The following MOV10L1 variants were observed in gnomAD, a reference collection of about 807,000 sequenced individuals.
MOV10L1 encodes RNA helicase Mov10l1.
Under a neutral mutation model 143.8 loss-of-function variants are expected in MOV10L1, and 110 were observed. That is an observed-to-expected ratio of 0.76 (90% CI 0.66 to 0.90). MOV10L1 has a LOEUF of 0.90. Among genes scored for constraint, MOV10L1 ranks in the 40% least tolerant of loss-of-function variants. The pLI is 0.00. For synonymous variants in MOV10L1, 593 were observed against 581.1 expected, an observed-to-expected ratio of 1.02 and a Z score of -0.29; for missense variants, 1,406 against 1,526.8, an observed-to-expected ratio of 0.92 and a Z score of 1.32.
intron 10 of MOV10L1, among the ~76,000 whole-genome samples, chr22:50,121,924 A>C (rs933061314): frequency 6.6e-6 from 1 of 152,140 alleles, no homozygotes; most frequent in African/African-American, 2.4e-5. Flanking sequence ...GAATTTTAAG[A>C]TGCATTTTTC....
At chr22:50,150,097 T>C (rs912364314) in intron 20 of MOV10L1, among the ~76,000 whole-genome samples, 1 of 152,108 alleles carries the variant, frequency 6.6e-6, no homozygotes, top group Non-Finnish European at 1.5e-5. Context: ...CATCCTCTGT[T>C]CTCTGCTCCC....
chr22:50,155,642 A>C (rs111264369), intron 22 of MOV10L1, among the ~76,000 whole-genome samples: 23 of 152,232 alleles, frequency 1.5e-4, no homozygotes, highest in African/African-American at 4.6e-4. Flanking sequence ...CGTCCGGCTA[A>C]TTTTTGTATT....
intron 7 of MOV10L1, 35 bp downstream of exon 7, chr22:50,114,657 G>T: frequency 6.2e-7 from 1 of 1,607,090 alleles, no homozygotes; most frequent in Non-Finnish European, 8.5e-7. Flanking sequence ...GCGTGAGGTC[G>T]GGTGGGCTGG....
At chr22:50,126,654 C>T (rs781561051) in intron 12 of MOV10L1, among the ~76,000 whole-genome samples, 2 of 152,112 alleles carry the variant, frequency 1.3e-5, no homozygotes, top group Non-Finnish European at 2.9e-5. Flanking sequence ...GATCCTGGTG[C>T]TCCAGATGGT....
chr22:50,142,197 C>T lies in MOV10L1; in HGVS notation c.2179+8C>T, dbSNP rs1385457937. The T allele has an allele frequency of 1.2e-6, 2 of 1,602,482 alleles. No individual in the cohort carries two copies. Among genetic ancestry groups the T allele is most frequent in the Non-Finnish European group, 1.7e-6 (2 of 1,174,954 alleles). On this transcript the variant is annotated splice_region_variant and intron_variant, in intron 16 of 26. Transcript: ENST00000262794. ...CAGAGATGAGCGATTGGGGTATGTG[C>T]TCATGAGGGGCAAGGAGAAGAGCAA...
At chr22:50,136,086 T>C (rs2062816462) in intron 15 of MOV10L1, among the ~76,000 whole-genome samples, 1 of 152,224 alleles carries the variant, frequency 6.6e-6, no homozygotes, top group Non-Finnish European at 1.5e-5. Flanking sequence ...TATACAATCA[T>C]GGAAAATACG....
At chr22:50,091,904 A>G in intron 1 of MOV10L1, 97 bp from the exon 2 acceptor site, 1 of 1,240,658 alleles carries the variant, frequency 8.1e-7, no homozygotes, top group Non-Finnish European at 1.1e-6. Context: ...AACTGCAAAA[A>G]AAGGAGGCTT....
rs1223834245 is a variant in MOV10L1, at chr22:50,092,180, A to G, written c.277A>G (p.Ile93Val). The G allele has an allele frequency of 2.5e-6, 4 of 1,613,532 alleles. No homozygotes were observed. Among genetic ancestry groups the G allele is most frequent in the African/African-American group, 2.7e-5 (2 of 74,910 alleles). Residue 93 changes from isoleucine to valine, a missense_variant, in exon 2 of 27, where the codon ATC becomes GTC. Physicochemically the swap from Ile to Val is conservative, Grantham distance 29. Around this residue, in one of 3 missense-constraint regions of MOV10L1, gnomAD observed 166 missense variants for 153.9 expected, o/e 1.08. Coordinates refer to ENST00000262794, the MANE Select transcript of MOV10L1 (RefSeq NM_018995.3). Reference sequence around the variant, plus strand: ...TAAAGTGTCCAATGGACTGAAAGCAATCAGGGTAAGGTTTGAGTTCATTTG... The same window carrying G: ...TAAAGTGTCCAATGGACTGAAAGCAGTCAGGGTAAGGTTTGAGTTCATTTG... ...ENKVSNGLKAIRVEAVSDKWE... is the reference protein window; with the variant it reads ...ENKVSNGLKAVRVEAVSDKWE...
intron 14 of MOV10L1, 49 bp from the exon 15 acceptor site, chr22:50,134,476 ATTTTT>A: frequency 6.8e-7 from 1 of 1,469,916 alleles, no homozygotes; most frequent in Admixed American, 1.7e-5. Flanking sequence ...CTCTATTAAT[ATTTTT>A]TTAGCTTTTT....
At position 50,143,187 on chromosome 22, in the gene MOV10L1, GAAA is replaced by G; in HGVS notation, c.2325_2327del (p.Lys776del). 3.1e-6 allele frequency: 5 copies of G among 1,614,160 alleles called. No individual in the cohort carries two copies. Among genetic ancestry groups the G allele is most frequent in the Non-Finnish European group, 4.2e-6 (5 of 1,180,034 alleles). ...ATTCTCTTTGGACCTCCTGGTACTG[GAAA>G]GACAGTGACAATAATAGAGGCTGTT... On this transcript the variant is annotated inframe_deletion, in exon 17 of 27. Coordinates refer to ENST00000262794, the MANE Select transcript of MOV10L1 (RefSeq NM_018995.3).
At position 50,145,750 on chromosome 22, in the gene MOV10L1, G is replaced by A. The variant is rs146761404; in HGVS notation, c.2567G>A (p.Arg856His). 213 of 1,613,988 alleles carry A rather than the reference G, an allele frequency of 1.3e-4. No homozygotes were observed. The highest frequency in any genetic ancestry group is 1.2e-4 in the Non-Finnish European group (142 of 1,180,020). The change falls in exon 19 of 27, where the codon CGC (arginine) becomes CAC (histidine). Residue 856 changes from arginine to histidine, a missense_variant. Coordinates refer to ENST00000262794, the MANE Select transcript of MOV10L1 (RefSeq NM_018995.3). The stretch of plus-strand genomic sequence containing the variant: ...GGAGAAGACATCTGGAAAGCCTCAC[G>A]CTTCCGGATAATCATCACCACATGC... Reference protein sequence around the residue: ...RDGEDIWKASRFRIIITTCSS... With the variant: ...RDGEDIWKASHFRIIITTCSS...
intron 8 of MOV10L1, 98 bp downstream of exon 8, chr22:50,115,344 C>T: frequency 8.3e-6 from 11 of 1,324,102 alleles, no homozygotes; most frequent in Admixed American, 3.0e-5. Context: ...GCGGGTGGAT[C>T]ACCTGAGACC....
intron 20 of MOV10L1, among the ~76,000 whole-genome samples, chr22:50,150,476 C>T (rs1254515756): frequency 1.3e-5 from 2 of 152,138 alleles, no homozygotes; most frequent in African/African-American, 2.4e-5. Flanking sequence ...TTGAGAGATT[C>T]GCAGGAGAGA....
chr22:50,143,744 A>C (rs1437713778), intron 17 of MOV10L1, among the ~76,000 whole-genome samples: 1 of 152,242 alleles, frequency 6.6e-6, no homozygotes, highest in Non-Finnish European at 1.5e-5. Flanking sequence ...TCAAACCATC[A>C]TAAGCCGAAG....
intron 9 of MOV10L1, among the ~76,000 whole-genome samples, chr22:50,119,187 G>T (rs1489708640): frequency 3.3e-5 from 5 of 152,148 alleles, no homozygotes; most frequent in Non-Finnish European, 7.3e-5. Context: ...ACTTCCCCGT[G>T]AATATTAACA....
chr22:50,101,713 T>C (rs1392452012), intron 3 of MOV10L1, among the ~76,000 whole-genome samples: 2 of 152,086 alleles, frequency 1.3e-5, no homozygotes, highest in African/African-American at 4.8e-5. Context: ...GGTTTCGCCA[T>C]GTTGGTCAGG....
chr22:50,129,065 G>A (rs960928566), intron 13 of MOV10L1, among the ~76,000 whole-genome samples: 5 of 152,142 alleles, frequency 3.3e-5, no homozygotes, highest in East Asian at 1.9e-4. Flanking sequence ...TGTGGTTGAC[G>A]TGTATAGGCC....
In MOV10L1 at chr22:50,150,775, T is replaced by C; in HGVS notation, c.2768T>C (p.Ile923Thr). The part of the protein sequence containing the change: ...AGDPMQLGPV[I>T]KSRLAMAYGL... ...GACCCCATGCAGCTCGGCCCAGTCA[T>C]TAAGTCCAGACTCGCCATGGCCTAT... is the stretch of plus-strand genomic sequence containing the variant. The change falls in exon 21 of 27, where the codon ATT (isoleucine) becomes ACT (threonine). Residue 923 changes from isoleucine (I) to threonine (T), a missense_variant. By Grantham distance (89) the Ile-to-Thr change is moderately conservative (BLOSUM62 -1). This residue lies in a region of MOV10L1 where 1,233 missense variants were observed against 1,351.4 expected (regional missense o/e 0.91). Coordinates refer to ENST00000262794, the MANE Select transcript of MOV10L1 (RefSeq NM_018995.3). 6.2e-7 allele frequency: 1 copy of C among 1,614,156 alleles called. No individual in the cohort carries two copies. The highest frequency in any genetic ancestry group is 8.5e-7 in the Non-Finnish European group (1 of 1,180,024).
At position 50,159,930 on chromosome 22, in the gene MOV10L1, A is replaced by G. The variant is rs191488234; in HGVS notation, c.3324+145A>G. 35 of 597,738 alleles carry G rather than the reference A, an allele frequency of 5.9e-5. No individual in the cohort carries two copies. The African/African-American group carries it at 6.4e-4, about 11-fold the overall frequency. 37.0% of individuals were successfully genotyped at this position (597,738 alleles called of 1,614,324 possible). ...CGGAGACTCCCTAGGTCCAGGAGCCATTGTAAGCAGTGGCTGTGGGAAGGT... is the reference window on the plus strand; with the variant it reads ...CGGAGACTCCCTAGGTCCAGGAGCCGTTGTAAGCAGTGGCTGTGGGAAGGT... On this transcript the variant is annotated intron_variant, in intron 24 of 26. Transcript: ENST00000262794. This position sits in a 1 kb window ranked among gnomAD's most constrained non-coding sequence, Gnocchi z 4.1.
Sources: gnomAD v4.1 joint callset for allele counts (sites outside exome capture counted in the v4.1 genomes callset) on GRCh38, gnomAD v4.1.1 for gene constraint, gnomAD v4.1.1 regional missense constraint, Gnocchi (gnomAD v3.1) non-coding constraint, MANE v1.5 for transcripts, NCBI Gene and HGNC (gene_info 2026-07-23, HGNC 2026-07-21) for gene names.